The following BRSK2 variants were observed in gnomAD, a reference collection of about 807,000 sequenced individuals.
BRSK2 encodes serine/threonine-protein kinase BRSK2.
BRSK2 carries 19 observed loss-of-function variants against 83.3 expected under a neutral mutation model. The observed-to-expected ratio is 0.23, with a 90% CI of 0.16 to 0.33. BRSK2 has a LOEUF of 0.33. Ranked by LOEUF, BRSK2 falls within the 10% of genes least tolerant of loss-of-function variation. The pLI is 1.00. For synonymous variants in BRSK2, 519 were observed against 435.4 expected, an observed-to-expected ratio of 1.19 and a Z score of -2.39; for missense variants, 798 against 1,042.3, an observed-to-expected ratio of 0.77 and a Z score of 3.23.
intron 2 of BRSK2, 23 bp downstream of exon 2, chr11:1,436,157 G>C: frequency 1.2e-6 from 1 of 847,918 alleles, no homozygotes; most frequent in Non-Finnish European, 1.7e-6. Context: ...GGGGAGGGAG[G>C]CGGGGCCGGC....
intron 8 of BRSK2, among the ~76,000 whole-genome samples, chr11:1,444,025 T>C (rs1851696333): frequency 6.6e-6 from 1 of 151,966 alleles, no homozygotes; most frequent in Non-Finnish European, 1.5e-5. Flanking sequence ...GGTGTGGGCA[T>C]GTGCACGTGT....
Position 1,451,373 on chromosome 11 carries a change from C to G in BRSK2, c.1498C>G (p.Pro500Ala). ...TCCTGTTCATCCTGTGTGCACAGTT[C>G]CGACGCCGGAGGAGATGTCCAACCT... ...PRFHRRKLQVPTPEEMSNLTP... is the reference protein window; with the variant it reads ...PRFHRRKLQVATPEEMSNLTP... The change falls in exon 15 of 20, where the codon CCG (proline) becomes GCG (alanine). Residue 500 changes from proline to alanine, a missense_variant and splice_region_variant. This residue lies in a region of BRSK2 where 455 missense variants were observed against 455.2 expected (regional missense o/e 1.00). Transcript: ENST00000528841. The G allele has an allele frequency of 6.2e-7, 1 of 1,612,970 alleles. No homozygotes were observed. The highest frequency in any genetic ancestry group is 1.1e-5 in the South Asian group (1 of 91,086).
chr11:1,445,971 T>C, intron 12 of BRSK2, 64 bp downstream of exon 12: 3 of 1,525,072 alleles, frequency 2.0e-6, no homozygotes, highest in Non-Finnish European at 2.6e-6. Flanking sequence ...CACTGCCGCC[T>C]GGCTCATCGC....
Position 1,459,255 on chromosome 11 carries a change from G to A in BRSK2, c.1987+16G>A, listed in dbSNP as rs376578902. On this transcript the variant is annotated intron_variant, in intron 19 of 19. Transcript: ENST00000528841. ...TCCAAATGTGGTAAGAATCCCCCAC[G>A]CTCACCTGGCACCTCCACCTGCCAC... 1.6e-4 allele frequency: 260 copies of A among 1,612,860 alleles called. 2 individuals are homozygous for A. The highest frequency in any genetic ancestry group is 3.4e-4 in the South Asian group (31 of 91,088).
intron 19 of BRSK2, 121 bp from the exon 20 acceptor site, chr11:1,460,379 C>T: frequency 8.9e-7 from 1 of 1,127,912 alleles, no homozygotes; most frequent in South Asian, 1.8e-5. Context: ...TCGTCGAGGC[C>T]TCTTCGTTCA....
rs1211563221 is a variant in BRSK2, at chr11:1,423,084, C to T, written c.92-12956C>T. ...GACAGCAGCCCGGAGGGTTAATGTC[C>T]AGGTACCTCCAGGCCCCATGCACCC... On this transcript the variant is annotated intron_variant, in intron 1 of 19. Transcript: ENST00000528841. The surrounding 1 kb of genome is among the most constrained non-coding windows in gnomAD (Gnocchi z 6.5). 6.6e-6 allele frequency among the ~76,000 whole-genome samples: 1 copy of T among 152,168 alleles called. No homozygotes were observed. The highest frequency in any genetic ancestry group is 1.5e-5 in the Non-Finnish European group (1 of 68,018).
At chr11:1,440,040 T>A (rs1850982448) in intron 3 of BRSK2, among the ~76,000 whole-genome samples, 1 of 152,176 alleles carries the variant, frequency 6.6e-6, no homozygotes, top group Non-Finnish European at 1.5e-5. Flanking sequence ...GCCACCCCCT[T>A]GGCTGTACAG....
In BRSK2 at chr11:1,410,690, C is replaced by T. The variant is rs377624367; in HGVS notation, c.91+20315C>T. The T allele has an allele frequency of 1.0e-5, 10 of 985,436 alleles. No individual in the cohort carries two copies. In the African/African-American group the frequency reaches 1.6e-4, roughly 15 times the overall value. The allele number at this position is 985,436 out of a possible 1,614,324, so 61.0% of individuals were successfully genotyped here. A position where few individuals can be genotyped will look rare whatever the true frequency, so the allele number is the denominator to read the frequency against. On this transcript the variant is annotated intron_variant, in intron 1 of 19. Coordinates refer to ENST00000528841, the MANE Select transcript of BRSK2 (RefSeq NM_001256627.2). ...CTGAGTCAGCACTGCCTGACGCCCA[C>T]CCTCAGGAGCCCCCGCCTGCCTAGG...
intron 1 of BRSK2, among the ~76,000 whole-genome samples, chr11:1,406,255 A>G (rs1276487569): frequency 6.6e-6 from 1 of 151,946 alleles, no homozygotes; most frequent in African/African-American, 2.4e-5. Context: ...CAAGGTCAGG[A>G]GATGGAGACC....
At position 1,460,539 on chromosome 11, in the gene BRSK2, T is replaced by C; in HGVS notation, c.2027T>C (p.Leu676Pro). 1 of 1,522,288 alleles carries C rather than the reference T, an allele frequency of 6.6e-7. No individual in the cohort carries two copies. The highest frequency in any genetic ancestry group is 8.8e-7 in the Non-Finnish European group (1 of 1,139,308). The allele number at this position is 1,522,288 out of a possible 1,614,324, so 94.3% of individuals were successfully genotyped here. A position where few individuals can be genotyped will look rare whatever the true frequency, so the allele number is the denominator to read the frequency against. The part of the protein sequence containing the change: ...LSNFFDVIKQ[L>P]FSDEKNGQAA... The stretch of plus-strand genomic sequence containing the variant: ...AACTTCTTTGACGTAATTAAACAAC[T>C]TTTTTCAGACGAGAAGAACGGGCAG... The change falls in exon 20 of 20, where the codon CTT (leucine) becomes CCT (proline). Residue 676 changes from leucine to proline, a missense_variant. Leu to Pro is a moderately conservative substitution (Grantham distance 98, BLOSUM62 -3). This residue lies in a region of BRSK2 where 455 missense variants were observed against 455.2 expected (regional missense o/e 1.00). Transcript: ENST00000528841.
intron 12 of BRSK2, chr11:1,447,717 GTGTGGCCCGGGCCCTGGGGGCCGACC>G: frequency 7.5e-7 from 1 of 1,340,756 alleles, no homozygotes; most frequent in Non-Finnish European, 1.0e-6. Flanking sequence ...TTCTTACCCG[GTGTGGCCCGGGCCCTGGGGGCCGACC>G]TGTGCCCGCG....
At chr11:1,425,669 C>A (rs1394925802) in intron 1 of BRSK2, among the ~76,000 whole-genome samples, 1 of 152,178 alleles carries the variant, frequency 6.6e-6, no homozygotes, top group African/African-American at 2.4e-5. Context: ...CCGAGCCCCC[C>A]ACACCCCCGC....
chr11:1,406,347 C>G (rs1846875765), intron 1 of BRSK2, among the ~76,000 whole-genome samples: 1 of 152,214 alleles, frequency 6.6e-6, no homozygotes, highest in African/African-American at 2.4e-5. Context: ...TGGTGGGTGC[C>G]TGTAGTTCCA....
In BRSK2 at chr11:1,454,751, GC is replaced by G; in HGVS notation, c.1668+145del. 9.2e-7 allele frequency: 1 copy of G among 1,092,502 alleles called. No individual in the cohort carries two copies. Among genetic ancestry groups the G allele is most frequent in the Non-Finnish European group, 1.3e-6 (1 of 774,512 alleles). The allele number at this position is 1,092,502 out of a possible 1,614,324, so 67.7% of individuals were successfully genotyped here. A position where few individuals can be genotyped will look rare whatever the true frequency, so the allele number is the denominator to read the frequency against. ...CGCTCACCCGTGGGCCTGCCTGGCC[GC>G]CTTCACTGGACAGGCGCTCTCTCCT... On this transcript the variant is annotated intron_variant, in intron 16 of 19. Coordinates refer to ENST00000528841, the MANE Select transcript of BRSK2 (RefSeq NM_001256627.2). The surrounding 1 kb of genome is among the most constrained non-coding windows in gnomAD (Gnocchi z 5.2).
chr11:1,398,388 T>G (rs1448626408), intron 1 of BRSK2, among the ~76,000 whole-genome samples: 2 of 152,088 alleles, frequency 1.3e-5, no homozygotes, highest in Non-Finnish European at 2.9e-5. Context: ...GTCCGAGAGT[T>G]ATCTTGTGCG....
At position 1,454,520 on chromosome 11, in the gene BRSK2, G is replaced by A; in HGVS notation, c.1580G>A (p.Ser527Asn). Residue 527 changes from serine (S) to asparagine (N), a missense_variant, in exon 16 of 20, where the codon AGC becomes AAC. Ser to Asn is a conservative substitution (Grantham distance 46, BLOSUM62 1). Transcript: ENST00000528841. The surrounding 1 kb of genome is among the most constrained non-coding windows in gnomAD (Gnocchi z 5.2). ...AKKSWFGNFI[S>N]LEKEEQIFVV... Reference sequence around the variant, plus strand: ...AAGTCCTGGTTTGGGAACTTCATCAGCCTGGAGAAGGAGGAGCAGATCTTC... The same window carrying A: ...AAGTCCTGGTTTGGGAACTTCATCAACCTGGAGAAGGAGGAGCAGATCTTC... The A allele has an allele frequency of 9.9e-6, 16 of 1,613,282 alleles. No homozygotes were observed. Among genetic ancestry groups the A allele is most frequent in the Non-Finnish European group, 1.4e-5 (16 of 1,179,950 alleles).
At chr11:1,424,143 C>T (rs1429442609) in intron 1 of BRSK2, among the ~76,000 whole-genome samples, 1 of 152,236 alleles carries the variant, frequency 6.6e-6, no homozygotes, top group Non-Finnish European at 1.5e-5. Context: ...CATCCTCCAG[C>T]TGTGATGTGG....
chr11:1,458,768 G>A (rs576196234), intron 18 of BRSK2, among the ~76,000 whole-genome samples: 1 of 152,286 alleles, frequency 6.6e-6, no homozygotes, highest in South Asian at 2.1e-4. Flanking sequence ...GGAAGAGGGT[G>A]CCTGCCTTGA....
At chr11:1,443,448 C>G in intron 7 of BRSK2, 41 bp from the exon 8 acceptor site, 2 of 1,575,724 alleles carry the variant, frequency 1.3e-6, no homozygotes, top group Non-Finnish European at 1.7e-6. Flanking sequence ...TCTCCCCAAA[C>G]CTGCCCCCCC....
Sources: allele counts gnomAD v4.1 joint callset (sites outside exome capture counted in the v4.1 genomes callset), GRCh38; gene constraint gnomAD v4.1.1; regional missense constraint gnomAD v4.1.1; non-coding constraint Gnocchi (gnomAD v3.1); transcripts MANE v1.5; gene names NCBI Gene and HGNC (gene_info 2026-07-23, HGNC 2026-07-21).